ANK3: variants seen among roughly 807,000 people sequenced by gnomAD.
The protein encoded by ANK3 is ankyrin-3.
ANK3 carries 57 observed loss-of-function variants against 370.9 expected under a neutral mutation model. That is an observed-to-expected ratio of 0.15 (90% CI 0.12 to 0.19). ANK3 has a LOEUF of 0.19. Ranked by LOEUF, ANK3 falls within the 10% of genes least tolerant of loss-of-function variation. The probability of loss-of-function intolerance (pLI) is 1.00; values close to 1 mark genes in which losing one functional copy is unlikely to be tolerated. For synonymous variants in ANK3, 1,929 were observed against 1,946.3 expected (o/e 0.99, Z 0.23); for missense variants, 4,439 against 5,302.1 (o/e 0.84, Z 5.06).
chr10:60,718,596 C>T lies in ANK3; in HGVS notation c.57+14667G>A, dbSNP rs75236450. On this transcript the variant is annotated intron_variant, in intron 1 of 43. Coordinates refer to the ANK3 transcript ENST00000373827. ...TGTGCTACCAACATCTCAACAAAAA[C>T]TATATGCTCCAGCTCAGTTCCAAAT... is the stretch of plus-strand genomic sequence containing the variant. Among the ~76,000 whole-genome samples, 43 of 152,216 alleles carry T rather than the reference C, an allele frequency of 2.8e-4. No individual in the cohort carries two copies. The East Asian group carries it at 6.7e-3, about 24-fold the overall frequency.
chr10:60,046,331 G>A (rs925124507), intron 42 of ANK3, among the ~76,000 whole-genome samples: 2 of 152,234 alleles, frequency 1.3e-5, no homozygotes, highest in East Asian at 3.9e-4. Flanking sequence ...AAACACGAAT[G>A]ACAAATATTT....
At chr10:60,646,734 T>C (rs1282572167) in intron 1 of ANK3, among the ~76,000 whole-genome samples, 1 of 152,116 alleles carries the variant, frequency 6.6e-6, no homozygotes, top group Non-Finnish European at 1.5e-5. Context: ...AGGAATTTAA[T>C]GACTATTAAG....
chr10:60,246,255 C>CAAAAAAAAAAAAAAAAA (rs869144298), intron 7 of ANK3, among the ~76,000 whole-genome samples: 33 of 92,658 alleles, frequency 3.6e-4, no homozygotes, highest in African/African-American at 8.5e-4. Context: ...AACCCTGTAT[C>CAAAAAAAAAAAAAAAAA]AAAAAAAAAA....
chr10:60,157,655 A>G (rs2095373890), intron 23 of ANK3, among the ~76,000 whole-genome samples: 1 of 151,982 alleles, frequency 6.6e-6, no homozygotes, highest in African/African-American at 2.4e-5. Flanking sequence ...GAGTTGAAAA[A>G]CTTAATTGAC....
intron 1 of ANK3, among the ~76,000 whole-genome samples, chr10:60,349,504 C>A (rs545693134): frequency 5.1e-5 from 4 of 78,330 alleles, no homozygotes; most frequent in African/African-American, 1.2e-4. Context: ...CATCTAGAAC[C>A]ACATTTTTTT....
chr10:60,427,845 AC>A (rs1299915192), intron 2 of ANK3, among the ~76,000 whole-genome samples: 1 of 152,170 alleles, frequency 6.6e-6, no homozygotes, highest in Non-Finnish European at 1.5e-5. Flanking sequence ...CTAGACTAGA[AC>A]CCAGATTTTC....
intron 2 of ANK3, among the ~76,000 whole-genome samples, chr10:60,408,829 C>T (rs972019910): frequency 6.6e-6 from 1 of 152,044 alleles, no homozygotes; most frequent in Non-Finnish European, 1.5e-5. Context: ...TCCTCTTCTT[C>T]CCCCCTCCCA....
intron 5 of ANK3, among the ~76,000 whole-genome samples, 179 bp from the exon 6 acceptor site, chr10:60,264,199 A>G (rs184029070): frequency 1.4e-4 from 21 of 152,334 alleles, no homozygotes; most frequent in Admixed American, 1.3e-3. Flanking sequence ...ATTTATCTAT[A>G]CAAAGTAAAA....
intron 1 of ANK3, among the ~76,000 whole-genome samples, chr10:60,677,099 A>G (rs2079135198): frequency 6.6e-6 from 1 of 152,198 alleles, no homozygotes; most frequent in African/African-American, 2.4e-5. Context: ...ACCTGAGGAC[A>G]GGTTCCCAGA....
intron 25 of ANK3, among the ~76,000 whole-genome samples, chr10:60,129,954 C>A (rs1337493561): frequency 6.6e-6 from 1 of 152,106 alleles, no homozygotes; most frequent in African/African-American, 2.4e-5. Flanking sequence ...GAAATTATTG[C>A]TGTGGAAAGG....
chr10:60,535,647 A>G (rs2133207058), intron 2 of ANK3, among the ~76,000 whole-genome samples: 1 of 152,232 alleles, frequency 6.6e-6, no homozygotes, highest in East Asian at 1.9e-4. Context: ...CTCTGTCCAC[A>G]TCATGCATTC....
At chr10:60,706,355 G>T (rs1472280081) in intron 1 of ANK3, among the ~76,000 whole-genome samples, 1 of 152,062 alleles carries the variant, frequency 6.6e-6, no homozygotes, top group African/African-American at 2.4e-5. Flanking sequence ...AGACATGCCA[G>T]CCCCAAGGTA....
At chr10:60,664,235 T>C (rs2078970328) in intron 1 of ANK3, among the ~76,000 whole-genome samples, 1 of 152,252 alleles carries the variant, frequency 6.6e-6, no homozygotes, top group Admixed American at 6.5e-5. Context: ...AAATTTCTTG[T>C]ACTAATACTG....
chr10:60,121,740 G>C lies in ANK3; in HGVS notation c.2842-7409C>G, dbSNP rs888325438. 2.0e-5 allele frequency among the ~76,000 whole-genome samples: 3 copies of C among 151,324 alleles called. No individual in the cohort carries two copies. The East Asian group carries it at 5.8e-4, about 29-fold the overall frequency. On this transcript the variant is annotated intron_variant, in intron 25 of 43. Transcript: ENST00000280772. ...CCCTAGTATTTGGTAGTACAACAGA[G>C]TGACTACAGTCAAAAGTAATTTAAT... is the stretch of plus-strand genomic sequence containing the variant.
chr10:60,696,112 T>C (rs1169310969), intron 1 of ANK3, among the ~76,000 whole-genome samples: 1 of 150,556 alleles, frequency 6.6e-6, no homozygotes, highest in African/African-American at 2.5e-5. Flanking sequence ...CATCAGAGAA[T>C]ACTACAAACA....
At chr10:60,565,936 G>A (rs1024326018) in intron 2 of ANK3, among the ~76,000 whole-genome samples, 10 of 152,150 alleles carry the variant, frequency 6.6e-5, no homozygotes, top group African/African-American at 2.4e-4. Flanking sequence ...TGCAGATATT[G>A]CATTTTTTAC....
chr10:60,535,868 C>T (rs1162484189), intron 2 of ANK3, among the ~76,000 whole-genome samples: 2 of 151,300 alleles, frequency 1.3e-5, no homozygotes, highest in Non-Finnish European at 2.9e-5. Flanking sequence ...CTTAAGTGAG[C>T]AATGATAATG....
intron 1 of ANK3, among the ~76,000 whole-genome samples, chr10:60,625,275 A>T (rs1216619794): frequency 1.3e-5 from 2 of 152,138 alleles, no homozygotes; most frequent in African/African-American, 4.8e-5. Context: ...CACACAAGAG[A>T]CAAGAACCCC....
intron 2 of ANK3, among the ~76,000 whole-genome samples, chr10:60,546,508 G>A (rs1161794818): frequency 6.6e-6 from 1 of 152,060 alleles, no homozygotes; most frequent in African/African-American, 2.4e-5. Flanking sequence ...AAAATTTAAG[G>A]TAAATACTAG....
Sources: allele counts gnomAD v4.1 joint callset (sites outside exome capture counted in the v4.1 genomes callset), GRCh38; gene constraint gnomAD v4.1.1; transcripts MANE v1.5; gene names NCBI Gene and HGNC (gene_info 2026-07-23, HGNC 2026-07-21).